ATP7A: variants seen among roughly 807,000 people sequenced by gnomAD.
ATP7A encodes the protein copper-transporting ATPase 1.
Under a neutral mutation model 83.5 loss-of-function variants are expected in ATP7A, and 7 were observed. The ratio of observed to expected loss-of-function variants is 0.08; its 90% CI spans 0.05 to 0.16. ATP7A has a LOEUF of 0.16. ATP7A is among the 10% of genes least tolerant of loss of function. The pLI is 1.00. For synonymous variants in ATP7A, 354 were observed against 395.2 expected, an observed-to-expected ratio of 0.90 and a Z score of 1.24; for missense variants, 940 against 1,120.8, an observed-to-expected ratio of 0.84 and a Z score of 2.30.
Position 78,012,999 on chromosome X carries a change from C to T in ATP7A, c.2293C>T (p.Leu765Phe), listed in dbSNP as rs782148626. The T allele has an allele frequency of 2.5e-6, 3 of 1,210,179 alleles. No individual in the cohort carries two copies. Among genetic ancestry groups the T allele is most frequent in the South Asian group, 3.5e-5 (2 of 56,941 alleles). Reference protein sequence around the residue: ...TIAFAYSLIILLVAMYERAKV... With the variant: ...TIAFAYSLIIFLVAMYERAKV... ...TGCATTTGCCTACTCTTTGATTATTCTTCTAGTTGCAATGTATGAGAGAGC... is the reference window on the plus strand; with the variant it reads ...TGCATTTGCCTACTCTTTGATTATTTTTCTAGTTGCAATGTATGAGAGAGC... Residue 765 changes from leucine (L) to phenylalanine (F), a missense_variant, in exon 10 of 23, where the codon CTT (leucine) becomes TTT (phenylalanine). Leu to Phe is a conservative substitution (Grantham distance 22). Transcript: ENST00000341514.
At chrX:77,928,921 T>C (rs1317045025) in intron 1 of ATP7A, among the ~76,000 whole-genome samples, 1 of 111,566 alleles carries the variant, frequency 9.0e-6, no homozygotes, top group East Asian at 2.8e-4. Flanking sequence ...ATCATTTTGG[T>C]CAGGTCAGGA....
chrX:77,945,779 GT>G (rs1413006002), intron 1 of ATP7A, among the ~76,000 whole-genome samples: 3 of 111,290 alleles, frequency 2.7e-5, no homozygotes, highest in Non-Finnish European at 1.9e-5. Context: ...AAGGTTACAA[GT>G]TTTTTTCAAG....
At chrX:78,032,930 C>T (rs977315264) in intron 16 of ATP7A, among the ~76,000 whole-genome samples, 4 of 111,248 alleles carry the variant, frequency 3.6e-5, no homozygotes, top group South Asian at 3.7e-4. Context: ...GGAGAGCCTC[C>T]GGTAACTAAA....
At chrX:77,966,708 A>G (rs1343242606) in intron 1 of ATP7A, 1 of 303,665 alleles carries the variant, frequency 3.3e-6, no homozygotes, top group Non-Finnish European at 6.4e-6. Flanking sequence ...GCAACTACAT[A>G]GTCATTATGG....
Position 78,033,790 on chromosome X carries a change from G to A in ATP7A, c.3480G>A (p.Ser1160=), listed in dbSNP as rs144293453. 6.0e-5 allele frequency: 73 copies of A among 1,208,535 alleles called. No individual in the cohort carries two copies. The highest frequency in any genetic ancestry group is 7.7e-5 in the Non-Finnish European group (69 of 894,521). The change falls in exon 17 of 23, where the codon TCG becomes TCA. Residue 1160 remains serine (S), a synonymous_variant. Transcript: ENST00000341514. ...CCAGTAATGAACAGTCATCAACTTC[G>A]TCTTCCATGATTATTGATGCCCAGA... The part of the protein sequence containing the change: ...IDASNEQSST[S]SSMIIDAQIS...
Position 78,046,626 on chromosome X carries a change from G to A in ATP7A, c.*56G>A. ...TGTCATGCACTGACACAGCATTCATGATGTTACCTTCACTTTTCAAAATAT... is the reference window on the plus strand; with the variant it reads ...TGTCATGCACTGACACAGCATTCATAATGTTACCTTCACTTTTCAAAATAT... On this transcript the variant is annotated 3_prime_UTR_variant, in exon 23 of 23. Transcript: ENST00000341514. 1 of 1,171,829 alleles carries A rather than the reference G, an allele frequency of 8.5e-7. No individual in the cohort carries two copies. Among genetic ancestry groups the A allele is most frequent in the South Asian group, 1.8e-5 (1 of 55,910 alleles).
At chrX:77,956,290 T>C (rs113152788) in intron 1 of ATP7A, among the ~76,000 whole-genome samples, 11,191 of 111,321 alleles carry the variant, frequency 0.1, 667 homozygotes, top group African/African-American at 0.22. Flanking sequence ...TTTCTCCATA[T>C]CATCACCACC....
chrX:77,916,072 T>A (rs2077183501), intron 1 of ATP7A, among the ~76,000 whole-genome samples: 2 of 110,759 alleles, frequency 1.8e-5, no homozygotes, highest in Admixed American at 1.9e-4. Context: ...CCATAGAAAA[T>A]TGGCCGGTGC....
intron 2 of ATP7A, among the ~76,000 whole-genome samples, chrX:77,978,829 A>C (rs919200485): frequency 1.8e-5 from 2 of 111,134 alleles, no homozygotes; most frequent in Non-Finnish European, 3.8e-5. Flanking sequence ...TTGTGATTTA[A>C]ATTTTTTTAA....
chrX:78,048,249 G>C lies in ATP7A; in HGVS notation c.*1679G>C, dbSNP rs1466112925. The C allele has an allele frequency of 1.8e-5, 2 of 111,855 alleles. No homozygotes were observed. Among genetic ancestry groups the C allele is most frequent in the Non-Finnish European group, 3.8e-5 (2 of 53,171 alleles). 9.2% of individuals were successfully genotyped at this position (111,855 alleles called of 1,213,427 possible). A position where few individuals can be genotyped will look rare whatever the true frequency, so the allele number is the denominator to read the frequency against. ...TAAGACTATTTAAATTTCTTTGTTA[G>C]TTGCAAGATGGATTTCATATGCAGA... On this transcript the variant is annotated 3_prime_UTR_variant, in exon 23 of 23. Transcript: ENST00000341514.
intron 4 of ATP7A, among the ~76,000 whole-genome samples, chrX:77,991,853 C>G (rs1461645636): frequency 9.2e-6 from 1 of 108,998 alleles, no homozygotes; most frequent in Admixed American, 9.9e-5. Flanking sequence ...GAAACCCCGT[C>G]CCTACAAAAA....
intron 2 of ATP7A, among the ~76,000 whole-genome samples, chrX:77,980,689 A>G (rs2077599963): frequency 9.0e-6 from 1 of 110,523 alleles, no homozygotes; most frequent in Non-Finnish European, 1.9e-5. Flanking sequence ...ATTTTTTGAG[A>G]TGGAGTCTCG....
chrX:77,998,067 G>A (rs1233379799), intron 4 of ATP7A, among the ~76,000 whole-genome samples: 1 of 109,819 alleles, frequency 9.1e-6, no homozygotes, highest in Admixed American at 9.8e-5. Flanking sequence ...TCAGCACACT[G>A]CAATGCTGTT....
At chrX:77,999,632 GGTGACTCACACCT>G (rs2077726250) in intron 5 of ATP7A, among the ~76,000 whole-genome samples, 1 of 111,564 alleles carries the variant, frequency 9.0e-6, no homozygotes, top group Admixed American at 9.6e-5. Flanking sequence ...GGCCAGGCAC[GGTGACTCACACCT>G]GTAATCCCAG....
intron 1 of ATP7A, among the ~76,000 whole-genome samples, chrX:77,943,576 C>T (rs2077362817): frequency 9.0e-6 from 1 of 111,340 alleles, no homozygotes; most frequent in Admixed American, 9.6e-5. Context: ...TAAAGTAATA[C>T]ATGCAAAAAA....
At chrX:78,026,374 C>T (rs1277979557) in intron 14 of ATP7A, among the ~76,000 whole-genome samples, 3 of 112,063 alleles carry the variant, frequency 2.7e-5, no homozygotes, top group Non-Finnish European at 5.6e-5. Context: ...CTCAATTCAA[C>T]AAGAAGATTT....
At chrX:77,917,398 T>A (rs1557222650) in intron 1 of ATP7A, among the ~76,000 whole-genome samples, 2 of 111,453 alleles carry the variant, frequency 1.8e-5, no homozygotes, top group Non-Finnish European at 3.8e-5. Context: ...CTACTCTAAT[T>A]TGTTTAAGTT....
chrX:77,942,804 T>C (rs1249870488), intron 1 of ATP7A, among the ~76,000 whole-genome samples: 1 of 110,300 alleles, frequency 9.1e-6, no homozygotes, highest in Non-Finnish European at 1.9e-5. Flanking sequence ...AGCTTTTGTT[T>C]TTTGTTTATT....
At chrX:78,027,384 A>T (rs1481113992) in intron 14 of ATP7A, among the ~76,000 whole-genome samples, 4 of 111,944 alleles carry the variant, frequency 3.6e-5, no homozygotes, top group African/African-American at 9.7e-5. Context: ...ACCTAGGAAT[A>T]CATTTAACCA....
Sources: allele counts gnomAD v4.1 joint callset (sites outside exome capture counted in the v4.1 genomes callset), GRCh38; gene constraint gnomAD v4.1.1; transcripts MANE v1.5; gene names NCBI Gene and HGNC (gene_info 2026-07-23, HGNC 2026-07-21).